ZNF638: variants seen among roughly 807,000 people sequenced by gnomAD.
ZNF638 encodes zinc finger protein 638.
ZNF638 carries 46 observed loss-of-function variants against 195.6 expected under a neutral mutation model. The observed-to-expected ratio is 0.24, with a 90% CI of 0.19 to 0.30. The LOEUF is 0.30. ZNF638 is among the 10% of genes least tolerant of loss of function. The pLI is 1.00. For missense variants in ZNF638, 2,440 were observed against 2,325.3 expected (o/e 1.05, Z -1.01); for synonymous variants, 845 against 772.0 (o/e 1.09, Z -1.57).
Position 71,343,187 on chromosome 2 carries a change from G to GT in ZNF638, c.-202-5558dup, listed in dbSNP as rs927529043. 9.9e-5 allele frequency among the ~76,000 whole-genome samples: 15 copies of GT among 151,700 alleles called. No individual in the cohort carries two copies. The East Asian group carries it at 1.4e-3, about 14-fold the overall frequency. The stretch of plus-strand genomic sequence containing the variant: ...ATACTGACAAACGTTACTGAAATTT[G>GT]TTTTTTTTCTGTTAGATTGTTGGCA... On this transcript the variant is annotated intron_variant, in intron 1 of 27. Transcript: ENST00000264447.
chr2:71,408,294 G>A, intron 20 of ZNF638, 47 bp downstream of exon 20: 1 of 1,583,600 alleles, frequency 6.3e-7, no homozygotes, highest in South Asian at 1.2e-5. Context: ...AAAATACAGA[G>A]AACATAAAGG....
chr2:71,398,900 C>G, intron 12 of ZNF638, 128 bp downstream of exon 12: 1 of 842,940 alleles, frequency 1.2e-6, no homozygotes, highest in Non-Finnish European at 1.8e-6. Flanking sequence ...AAAACCTGAC[C>G]CATTTTGTTG....
intron 27 of ZNF638, among the ~76,000 whole-genome samples, chr2:71,434,295 A>G (rs1250100501): frequency 6.6e-6 from 1 of 152,030 alleles, no homozygotes; most frequent in Non-Finnish European, 1.5e-5. Context: ...TCCTACTCGC[A>G]TGGCCAGTTC....
At chr2:71,409,212 C>T (rs764741714) in intron 20 of ZNF638, among the ~76,000 whole-genome samples, 6 of 152,098 alleles carry the variant, frequency 3.9e-5, no homozygotes, top group Admixed American at 1.3e-4. Context: ...TTACCCAGAA[C>T]CTTATTCGTA....
At chr2:71,379,108 A>G (rs2079488316) in intron 8 of ZNF638, among the ~76,000 whole-genome samples, 1 of 152,196 alleles carries the variant, frequency 6.6e-6, no homozygotes, top group Non-Finnish European at 1.5e-5. Context: ...AGAGACCATT[A>G]CGAGGCGATT....
intron 7 of ZNF638, among the ~76,000 whole-genome samples, chr2:71,369,291 C>T (rs983941358): frequency 1.4e-5 from 2 of 143,058 alleles, no homozygotes; most frequent in Non-Finnish European, 3.0e-5. Flanking sequence ...CCGCTGCACT[C>T]TAGCCTGGGC....
chr2:71,352,886 T>C (rs540146601), intron 2 of ZNF638, among the ~76,000 whole-genome samples: 57 of 152,248 alleles, frequency 3.7e-4, no homozygotes, highest in African/African-American at 1.3e-3. Context: ...AAGGAAATCA[T>C]TTAGTCATCA....
chr2:71,370,954 A>C (rs1004624646), intron 8 of ZNF638, among the ~76,000 whole-genome samples: 8 of 151,986 alleles, frequency 5.3e-5, no homozygotes, highest in African/African-American at 1.4e-4. Context: ...GGTACCCATT[A>C]ATTATCCCCT....
At chr2:71,341,154 C>A (rs928308290) in intron 1 of ZNF638, among the ~76,000 whole-genome samples, 1 of 152,164 alleles carries the variant, frequency 6.6e-6, no homozygotes, top group Non-Finnish European at 1.5e-5. Flanking sequence ...ATAGCGCTAT[C>A]TTTTCAATTC....
intron 21 of ZNF638, among the ~76,000 whole-genome samples, chr2:71,421,768 T>G (rs2080438946): frequency 6.6e-6 from 1 of 152,214 alleles, no homozygotes. Flanking sequence ...ATCTGCTGCT[T>G]CTCATTATAT....
Position 71,365,752 on chromosome 2 carries a change from T to C in ZNF638, c.1995+46T>C, listed in dbSNP as rs529127088. 80 of 1,503,244 alleles carry C rather than the reference T, an allele frequency of 5.3e-5. 1 individual carries two copies. The highest frequency in any genetic ancestry group is 6.4e-5 in the Non-Finnish European group (72 of 1,121,404). The allele number at this position is 1,503,244 out of a possible 1,614,324, so 93.1% of individuals were successfully genotyped here. On this transcript the variant is annotated intron_variant, in intron 6 of 27. Coordinates refer to ENST00000264447, the MANE Select transcript of ZNF638 (RefSeq NM_014497.5). ...TATTTTTAGAGATAAGGTTTCACTC[T>C]GTCATCCTCGCTGGACTGCAGTGGT...
chr2:71,418,615 A>G lies in ZNF638; in HGVS notation c.3275A>G (p.His1092Arg). 1 of 1,557,882 alleles carries G rather than the reference A, an allele frequency of 6.4e-7. No individual in the cohort carries two copies. Reference sequence around the variant, plus strand: ...ATTATATTACAGGTGCAAATTGAGCATGACCCAGAATTAGAAAAAGAAAGG... The same window carrying G: ...ATTATATTACAGGTGCAAATTGAGCGTGACCCAGAATTAGAAAAAGAAAGG... ...KIDLPEVQIE[H>R]DPELEKESPG... is the part of the protein sequence containing the mutation. Residue 1092 changes from histidine to arginine, a missense_variant, in exon 21 of 28, where the codon CAT becomes CGT. Physicochemically the swap from His to Arg is conservative, Grantham distance 29. Coordinates refer to ENST00000264447, the MANE Select transcript of ZNF638 (RefSeq NM_014497.5).
chr2:71,385,168 T>C (rs865894518), intron 10 of ZNF638, among the ~76,000 whole-genome samples: 1 of 152,232 alleles, frequency 6.6e-6, no homozygotes, highest in Non-Finnish European at 1.5e-5. Flanking sequence ...GAGAAACTCA[T>C]ACATTGTGTG....
chr2:71,423,759 A>G lies in ZNF638; in HGVS notation c.4245A>G (p.Lys1415=). 1.2e-6 allele frequency: 2 copies of G among 1,613,972 alleles called. No individual in the cohort carries two copies. The highest frequency in any genetic ancestry group is 1.3e-5 in the African/African-American group (1 of 75,052). ...CAGTTTCAAAAACTGAAAATCAGAA[A>G]AGTTTTCCAAAATCTGTGCCCAGAG... ...KATVSKTENQ[K]SFPKSVPRDQ... is the part of the protein sequence containing the mutation. The change falls in exon 22 of 28, where the codon AAA becomes AAG. Residue 1415 remains lysine (K), a synonymous_variant. Transcript: ENST00000264447.
intron 1 of ZNF638, among the ~76,000 whole-genome samples, chr2:71,335,820 A>G (rs2078656545): frequency 6.6e-6 from 1 of 152,212 alleles, no homozygotes; most frequent in South Asian, 2.1e-4. Flanking sequence ...ATTCAGACAG[A>G]TATCAAATTT....
intron 1 of ZNF638, among the ~76,000 whole-genome samples, chr2:71,335,699 T>G (rs1383893725): frequency 1.3e-5 from 2 of 152,212 alleles, no homozygotes; most frequent in African/African-American, 4.8e-5. Context: ...AAACAAATGC[T>G]TCTATCAGTT....
chr2:71,428,864 AATG>A (rs2080595794), intron 25 of ZNF638: 1 of 384,424 alleles, frequency 2.6e-6, no homozygotes, highest in Non-Finnish European at 4.7e-6. Flanking sequence ...GATTAGAGGA[AATG>A]ATCCTCGAAA....
intron 7 of ZNF638, among the ~76,000 whole-genome samples, chr2:71,369,575 C>T (rs1326324177): frequency 6.6e-6 from 1 of 152,112 alleles, no homozygotes; most frequent in Non-Finnish European, 1.5e-5. Context: ...CAAGCTGGAC[C>T]ATATCTTCCC....
At position 71,428,547 on chromosome 2, in the gene ZNF638, C is replaced by T. The variant is rs139401563; in HGVS notation, c.5546C>T (p.Ala1849Val). 1.2e-6 allele frequency: 2 copies of T among 1,611,460 alleles called. No individual in the cohort carries two copies. The highest frequency in any genetic ancestry group is 2.7e-5 in the African/African-American group (2 of 74,768). Residue 1849 changes from alanine (A) to valine (V), a missense_variant and splice_region_variant, in exon 25 of 28, where the codon GCT becomes GTT. By Grantham distance (64) the Ala-to-Val change is moderately conservative. This residue lies in a region of ZNF638 where 1,883 missense variants were observed against 1,739.1 expected (regional missense o/e 1.08). Transcript: ENST00000264447. ...ATAAATTAGGACTTTCTTTTTAAAG[C>T]TAAAACTCCAACCAAGAGAGTTAGA... Reference protein sequence around the residue: ...LKTMIERHLTAKTPTKRVRIG... With the variant: ...LKTMIERHLTVKTPTKRVRIG...
Sources: gnomAD v4.1 joint callset for allele counts (sites outside exome capture counted in the v4.1 genomes callset) on GRCh38, gnomAD v4.1.1 for gene constraint, gnomAD v4.1.1 regional missense constraint, MANE v1.5 for transcripts, NCBI Gene and HGNC (gene_info 2026-07-23, HGNC 2026-07-21) for gene names.